CDRT4: variants seen among roughly 807,000 people sequenced by gnomAD.
CDRT4 encodes the protein CMT1A duplicated region transcript 4.
For missense variants in CDRT4, 167 were observed against 193.1 expected (o/e 0.87, Z 0.80); for synonymous variants, 64 against 69.6 (o/e 0.92, Z 0.40).
In CDRT4 at chr17:15,464,106, C is replaced by T. The variant is rs1979883700; in HGVS notation, c.-130+3354G>A. On this transcript the variant is annotated intron_variant, in intron 1 of 3. Coordinates refer to ENST00000619038, the MANE Select transcript of CDRT4 (RefSeq NM_001204477.2). This position sits in a 1 kb window ranked among gnomAD's most constrained non-coding sequence, Gnocchi z 4.5. ...TGTTGGCATTAGGCAGTGCTAGGTTCGAGTCTTGCTTCTGACCAACTGTGT... is the reference window on the plus strand; with the variant it reads ...TGTTGGCATTAGGCAGTGCTAGGTTTGAGTCTTGCTTCTGACCAACTGTGT... Among the ~76,000 whole-genome samples the T allele has an allele frequency of 6.6e-6, 1 of 152,264 alleles. No individual in the cohort carries two copies. Among genetic ancestry groups the T allele is most frequent in the Middle Eastern group, 3.4e-3 (1 of 294 alleles).
intron 2 of CDRT4, chr17:15,444,293 A>G (rs1052384964): frequency 2.0e-6 from 1 of 497,492 alleles, no homozygotes; most frequent in African/African-American, 2.0e-5. Context: ...GATTTGGAAA[A>G]AAAATGTCTG....
chr17:15,443,950 G>T, intron 2 of CDRT4: 1 of 676,908 alleles, frequency 1.5e-6, no homozygotes, highest in Non-Finnish European at 2.8e-6. Flanking sequence ...CAGGAGAATG[G>T]GTCTCCTGTC....
chr17:15,459,642 T>C (rs1979659197), intron 1 of CDRT4, among the ~76,000 whole-genome samples: 1 of 151,912 alleles, frequency 6.6e-6, no homozygotes, highest in Non-Finnish European at 1.5e-5. Context: ...GAGACAGGGT[T>C]TCACTGTGTT....
intron 1 of CDRT4, among the ~76,000 whole-genome samples, chr17:15,453,666 C>T (rs888280126): frequency 2.0e-5 from 3 of 152,098 alleles, no homozygotes; most frequent in African/African-American, 4.8e-5. Context: ...TATCTGAAGA[C>T]GGCAATTGAT....
intron 1 of CDRT4, among the ~76,000 whole-genome samples, chr17:15,465,032 CACAG>C (rs72379161): frequency 0.14 from 20,795 of 145,602 alleles, 2,559 homozygotes; most frequent in East Asian, 0.49. Flanking sequence ...CACACCAACA[CACAG>C]ACACACATAA....
chr17:15,460,760 C>T (rs1006673608), intron 1 of CDRT4, among the ~76,000 whole-genome samples: 1 of 152,176 alleles, frequency 6.6e-6, no homozygotes, highest in Non-Finnish European at 1.5e-5. Flanking sequence ...CACTCCCCAA[C>T]ACAAACATCC....
intron 1 of CDRT4, among the ~76,000 whole-genome samples, chr17:15,465,367 AAC>A (rs1979980604): frequency 6.8e-6 from 1 of 148,054 alleles, no homozygotes; most frequent in Admixed American, 6.7e-5. Context: ...CAGACACACC[AAC>A]ACAGACACAC....
In CDRT4 at chr17:15,442,460, T is replaced by C. The variant is rs77743293; in HGVS notation, c.-47-2175A>G. On this transcript the variant is annotated intron_variant, in intron 2 of 3. Transcript: ENST00000619038. ...AGAAATTTTTCTTCATCTTCTCATC[T>C]GTAAATAGGATGCCAGATGGTGGAA... 8.6e-3 allele frequency among the ~76,000 whole-genome samples: 1,308 copies of C among 152,230 alleles called. 17 individuals carry two copies. The highest frequency in any genetic ancestry group is 0.03 in the African/African-American group (1,259 of 41,528).
intron 1 of CDRT4, among the ~76,000 whole-genome samples, chr17:15,466,728 A>ATTTATT (rs900393062): frequency 2.0e-5 from 3 of 151,902 alleles, no homozygotes; most frequent in Non-Finnish European, 2.9e-5. Flanking sequence ...TGCCCAGCTA[A>ATTTATT]TTTATTTTTA....
At chr17:15,439,016 A>G (rs946499980) in intron 3 of CDRT4, 12 of 411,818 alleles carry the variant, frequency 2.9e-5, no homozygotes, top group Non-Finnish European at 5.4e-5. Context: ...TAGAAATTCA[A>G]CGCATTAGTT....
chr17:15,445,507 A>G (rs1363972185), intron 2 of CDRT4, among the ~76,000 whole-genome samples: 1 of 152,232 alleles, frequency 6.6e-6, no homozygotes, highest in Non-Finnish European at 1.5e-5. Flanking sequence ...CCAAGGAATC[A>G]CTCATTCATT....
intron 1 of CDRT4, among the ~76,000 whole-genome samples, chr17:15,458,771 G>T (rs1394661162): frequency 6.6e-6 from 1 of 152,130 alleles, no homozygotes; most frequent in African/African-American, 2.4e-5. Context: ...CCCTGCTGTG[G>T]GGGAGCCTGT....
intron 2 of CDRT4, among the ~76,000 whole-genome samples, chr17:15,446,014 T>C (rs917099938): frequency 1.3e-5 from 2 of 152,184 alleles, no homozygotes; most frequent in Non-Finnish European, 2.9e-5. Flanking sequence ...TCCTCATTTA[T>C]GTTTGGCTAA....
intron 2 of CDRT4, among the ~76,000 whole-genome samples, chr17:15,445,718 T>C (rs61209013): frequency 0.011 from 1,647 of 152,252 alleles, 33 homozygotes; most frequent in African/African-American, 0.038. Flanking sequence ...AAACTGTCCC[T>C]ATGCAGAAGA....
At chr17:15,449,810 T>C (rs528951703) in intron 2 of CDRT4, among the ~76,000 whole-genome samples, 3 of 152,260 alleles carry the variant, frequency 2.0e-5, no homozygotes, top group Non-Finnish European at 4.4e-5. Flanking sequence ...GAACATGTGA[T>C]ATTTTATTTT....
rs1979228054 is a variant in CDRT4, at chr17:15,450,847, C to G, written c.-48+2157G>C. On this transcript the variant is annotated intron_variant, in intron 2 of 3. Transcript: ENST00000619038. This position sits in a 1 kb window ranked among gnomAD's most constrained non-coding sequence, Gnocchi z 4.2. ...AGGCATCATCATTCATCGAATTGCC[C>G]AGTTCAAACATCTAACATCTCTTTC... Among the ~76,000 whole-genome samples, 1 of 152,162 alleles carries G rather than the reference C, an allele frequency of 6.6e-6. No individual in the cohort carries two copies. The highest frequency in any genetic ancestry group is 1.5e-5 in the Non-Finnish European group (1 of 68,022).
chr17:15,439,336 C>T (rs2954761), intron 3 of CDRT4, among the ~76,000 whole-genome samples: 30,756 of 151,950 alleles, frequency 0.2, 4,383 homozygotes, highest in East Asian at 0.49. Flanking sequence ...GTTATTCCCA[C>T]GCTGCCTCGT....
intron 2 of CDRT4, among the ~76,000 whole-genome samples, chr17:15,440,760 C>CAT: frequency 6.6e-6 from 1 of 152,206 alleles, no homozygotes; most frequent in East Asian, 1.9e-4. Context: ...AGTCAGCTAC[C>CAT]AGGGCCCCAA....
chr17:15,459,439 CTTTTTTTTTTTT>C (rs35161691), intron 1 of CDRT4, among the ~76,000 whole-genome samples: 1 of 107,508 alleles, frequency 9.3e-6, no homozygotes, highest in African/African-American at 3.9e-5. Flanking sequence ...CTTTTTTTTT[CTTTTTTTTTTTT>C]TTTTTTTTTG....
Sources: allele counts gnomAD v4.1 joint callset (sites outside exome capture counted in the v4.1 genomes callset), GRCh38; gene constraint gnomAD v4.1.1; non-coding constraint Gnocchi (gnomAD v3.1); transcripts MANE v1.5; gene names NCBI Gene and HGNC (gene_info 2026-07-23, HGNC 2026-07-21).